KCNQ3: variants seen among roughly 807,000 people sequenced by gnomAD.
The protein encoded by KCNQ3 is potassium voltage-gated channel subfamily Q member 3, also known as potassium voltage-gated channel subfamily KQT member 3.
KCNQ3 carries 30 observed loss-of-function variants against 92.5 expected under a neutral mutation model. The ratio of observed to expected loss-of-function variants is 0.32; its 90% confidence interval spans 0.24 to 0.44. The LOEUF is 0.44. Among genes scored for constraint, KCNQ3 ranks in the 20% least tolerant of loss-of-function variants. KCNQ3 has a pLI of 1.00. For missense variants in KCNQ3, 913 were observed against 1,140.3 expected (o/e 0.80, Z 2.87); for synonymous variants, 450 against 468.8 (o/e 0.96, Z 0.52).
At chr8:132,462,870 G>T (rs905100951) in intron 1 of KCNQ3, among the ~76,000 whole-genome samples, 7 of 152,216 alleles carry the variant, frequency 4.6e-5, no homozygotes, top group South Asian at 4.1e-4. Context: ...TCCCAAAATG[G>T]AAGAGTATTC....
chr8:132,185,541 CA>C (rs150340084), intron 2 of KCNQ3, among the ~76,000 whole-genome samples: 3,436 of 152,334 alleles, frequency 0.023, 145 homozygotes, highest in African/African-American at 0.079. Context: ...CAAACAGAGT[CA>C]GGGGTACCTT....
intron 1 of KCNQ3, among the ~76,000 whole-genome samples, chr8:132,279,234 C>A (rs1816438786): frequency 6.6e-6 from 1 of 152,088 alleles, no homozygotes; most frequent in African/African-American, 2.4e-5. Flanking sequence ...AATGCAGATG[C>A]TTAGATCCTA....
intron 1 of KCNQ3, among the ~76,000 whole-genome samples, chr8:132,427,977 T>C (rs1021913825): frequency 3.9e-5 from 6 of 152,222 alleles, no homozygotes; most frequent in African/African-American, 1.2e-4. Context: ...CCAAGTCTTA[T>C]GCCTTCGCCT....
intron 1 of KCNQ3, among the ~76,000 whole-genome samples, chr8:132,412,110 T>A (rs890259954): frequency 2.0e-5 from 3 of 152,180 alleles, no homozygotes; most frequent in Non-Finnish European, 2.9e-5. Context: ...TGCCTGGCGC[T>A]TGGCACCCCA....
intron 1 of KCNQ3, among the ~76,000 whole-genome samples, chr8:132,446,893 T>C (rs1027722546): frequency 2.0e-5 from 3 of 152,220 alleles, no homozygotes; most frequent in Admixed American, 2.0e-4. Context: ...AGGAGACGAA[T>C]TTAAAGCCAG....
At chr8:132,369,229 G>A (rs1819404928) in intron 1 of KCNQ3, among the ~76,000 whole-genome samples, 1 of 152,080 alleles carries the variant, frequency 6.6e-6, no homozygotes. Context: ...GGCTGGGGTT[G>A]TGTTTCTTAG....
chr8:132,370,093 T>A (rs1189720936), intron 1 of KCNQ3, among the ~76,000 whole-genome samples: 1 of 152,160 alleles, frequency 6.6e-6, no homozygotes, highest in South Asian at 2.1e-4. Context: ...GCACTCTATC[T>A]AGGCACCTCC....
Position 132,414,958 on chromosome 8 carries a change from G to C in KCNQ3, c.386+65189C>G, listed in dbSNP as rs373849759. Reference sequence around the variant, plus strand: ...GGCTGAGTTAGGGCTCCGAGCCCCAGACCACCTCCCGGAGAGGGGCTGCTG... The same window carrying C: ...GGCTGAGTTAGGGCTCCGAGCCCCACACCACCTCCCGGAGAGGGGCTGCTG... On this transcript the variant is annotated intron_variant, in intron 1 of 14. Transcript: ENST00000388996. 2.6e-5 allele frequency among the ~76,000 whole-genome samples: 4 copies of C among 152,338 alleles called. No homozygotes were observed. In the East Asian group the frequency reaches 5.8e-4, roughly 22 times the overall value.
chr8:132,363,728 C>G (rs1462190768), intron 1 of KCNQ3, among the ~76,000 whole-genome samples: 1 of 151,752 alleles, frequency 6.6e-6, no homozygotes, highest in Non-Finnish European at 1.5e-5. Context: ...GTGCTCACGT[C>G]ATTCACTCTT....
chr8:132,136,768 T>C (rs1048381560), intron 12 of KCNQ3, among the ~76,000 whole-genome samples: 2 of 152,210 alleles, frequency 1.3e-5, no homozygotes, highest in Non-Finnish European at 2.9e-5. Context: ...GCATGTATTA[T>C]TGGTAATTAT....
At chr8:132,187,828 G>T (rs1255416343) in intron 1 of KCNQ3, among the ~76,000 whole-genome samples, 1 of 135,480 alleles carries the variant, frequency 7.4e-6, no homozygotes, top group East Asian at 2.0e-4. Flanking sequence ...GGTGGTGGTG[G>T]TGATTGTGGT....
intron 1 of KCNQ3, among the ~76,000 whole-genome samples, chr8:132,199,902 T>C (rs1412770294): frequency 7.4e-6 from 1 of 135,140 alleles, no homozygotes; most frequent in Admixed American, 7.3e-5. Flanking sequence ...AGAGCAAGAC[T>C]CAGTCTCCAA....
At chr8:132,291,303 G>A (rs1816828112) in intron 1 of KCNQ3, among the ~76,000 whole-genome samples, 1 of 152,158 alleles carries the variant, frequency 6.6e-6, no homozygotes, top group South Asian at 2.1e-4. Flanking sequence ...TGACAGAGAT[G>A]AATGCAAATG....
chr8:132,305,262 T>G lies in KCNQ3; in HGVS notation c.387-119081A>C, dbSNP rs550562943. Among the ~76,000 whole-genome samples the G allele has an allele frequency of 8.5e-5, 13 of 152,348 alleles. No homozygotes were observed. The South Asian group carries it at 2.7e-3, about 32-fold the overall frequency. On this transcript the variant is annotated intron_variant, in intron 1 of 14. Coordinates refer to ENST00000388996, the MANE Select transcript of KCNQ3 (RefSeq NM_004519.4). The stretch of plus-strand genomic sequence containing the variant: ...AAATACCAGCTCATTCAGTCCCACA[T>G]GTTCCCAGCTAATACTACAAATTGA...
chr8:132,173,283 G>A (rs1348220600), intron 6 of KCNQ3, among the ~76,000 whole-genome samples: 1 of 152,090 alleles, frequency 6.6e-6, no homozygotes, highest in Non-Finnish European at 1.5e-5. Context: ...CATTCCTATG[G>A]CCCTGACTCA....
At chr8:132,338,986 A>G (rs1351744791) in intron 1 of KCNQ3, among the ~76,000 whole-genome samples, 2 of 152,226 alleles carry the variant, frequency 1.3e-5, no homozygotes, top group Admixed American at 6.5e-5. Context: ...AAGAGAGACC[A>G]CAGGGCAAAA....
chr8:132,157,111 C>T (rs1825820491), intron 9 of KCNQ3, among the ~76,000 whole-genome samples: 1 of 152,168 alleles, frequency 6.6e-6, no homozygotes. Flanking sequence ...TCTAAGTCAA[C>T]CCATTATGTG....
intron 9 of KCNQ3, among the ~76,000 whole-genome samples, chr8:132,149,686 ACG>A (rs1563773452): frequency 2.0e-5 from 3 of 152,178 alleles, no homozygotes; most frequent in African/African-American, 2.4e-5. Context: ...GGCCACAGAC[ACG>A]CGCGCGGGAC....
chr8:132,370,654 T>C (rs1445842492), intron 1 of KCNQ3, among the ~76,000 whole-genome samples: 1 of 152,054 alleles, frequency 6.6e-6, no homozygotes, highest in African/African-American at 2.4e-5. Flanking sequence ...TTGGTGTAGG[T>C]GGGAATCACG....
Sources: gnomAD v4.1 joint callset for allele counts (sites outside exome capture counted in the v4.1 genomes callset) on GRCh38, gnomAD v4.1.1 for gene constraint, MANE v1.5 for transcripts, NCBI Gene and HGNC (gene_info 2026-07-23, HGNC 2026-07-21) for gene names.